ZNF77: variants seen among roughly 807,000 people sequenced by gnomAD.
ZNF77 encodes ZNFpT1.
Under a neutral mutation model 13.5 loss-of-function variants are expected in ZNF77, and 15 were observed. The ratio of observed to expected loss-of-function variants is 1.11; its 90% CI spans 0.74 to 1.71. The LOEUF is 1.71. Among genes scored for constraint, ZNF77 ranks in the 40% most tolerant of loss-of-function variants. The pLI is 0.00. For synonymous variants in ZNF77, 282 were observed against 250.0 expected (o/e 1.13, Z -1.21); for missense variants, 717 against 676.4 (o/e 1.06, Z -0.67).
chr19:2,939,564 G>T, intron 1 of ZNF77, 157 bp from the exon 2 acceptor site: 3 of 982,110 alleles, frequency 3.1e-6, no homozygotes, highest in Non-Finnish European at 3.0e-6. Context: ...TACACTCAAT[G>T]CCGTGAGTAC....
chr19:2,941,796 T>G (rs2088451111), intron 1 of ZNF77, among the ~76,000 whole-genome samples: 1 of 152,204 alleles, frequency 6.6e-6, no homozygotes, highest in South Asian at 2.1e-4. Context: ...GGTCCCCCAC[T>G]GTCACAAACT....
Position 2,934,657 on chromosome 19 carries a change from G to T in ZNF77, c.470C>A (p.Ser157Tyr), listed in dbSNP as rs756646002. The change falls in exon 4 of 4, where the codon TCT (serine) becomes TAT (tyrosine). Residue 157 changes from serine to tyrosine, a missense_variant. Physicochemically the swap from Ser to Tyr is moderately radical, Grantham distance 144 (BLOSUM62 -2). Transcript: ENST00000314531. ...CGKAFENRQRSHTGQRPCKEC... is the reference protein window; with the variant it reads ...CGKAFENRQRYHTGQRPCKEC... ...CTTACACGGTCTCTGTCCAGTGTGA[G>T]ATCTCTGCCGATTCTCGAAGGCTTT... The T allele has an allele frequency of 2.5e-5, 41 of 1,614,014 alleles. No homozygotes were observed. Among genetic ancestry groups the T allele is most frequent in the Non-Finnish European group, 3.4e-5 (40 of 1,180,042 alleles).
chr19:2,935,496 A>ATT (rs58809442), intron 3 of ZNF77, among the ~76,000 whole-genome samples: 4,133 of 138,228 alleles, frequency 0.03, 103 homozygotes, highest in African/African-American at 0.054. Context: ...TCTTTTTCGT[A>ATT]TTTTTTTTTT....
At chr19:2,939,523 G>T in intron 1 of ZNF77, 116 bp from the exon 2 acceptor site, 1 of 1,466,840 alleles carries the variant, frequency 6.8e-7, no homozygotes, top group Non-Finnish European at 9.2e-7. Context: ...ATGTCCTTGT[G>T]AGAGGTGACC....
chr19:2,936,570 A>T lies in ZNF77; in HGVS notation c.265T>A (p.Phe89Ile), dbSNP rs2088399095. 6.2e-7 allele frequency: 1 copy of T among 1,611,280 alleles called. No homozygotes were observed. Among genetic ancestry groups the T allele is most frequent in the Non-Finnish European group, 8.5e-7 (1 of 1,179,308 alleles). The change falls in exon 3 of 4, where the codon TTT (phenylalanine) becomes ATT (isoleucine). Residue 89 changes from phenylalanine (F) to isoleucine (I), a missense_variant. Transcript: ENST00000314531. ...TGGTGCTGATCTCCAGTGTTATCAA[A>T]TCTCCAATTTTCTCCAAAAATAGAC... ...SWSIFGENWR[F>I]DNTGDQHQIP...
Position 2,934,203 on chromosome 19 carries a change from G to C in ZNF77, c.924C>G (p.Tyr308Ter), listed in dbSNP as rs2088373250. The change falls in exon 4 of 4, where the codon TAC becomes TAG. Residue 308 changes from tyrosine (Y) to a stop codon, truncating the protein, a stop_gained. Coordinates refer to ENST00000314531, the MANE Select transcript of ZNF77 (RefSeq NM_021217.3). LOFTEE classifies it low-confidence loss of function (END_TRUNC). ...CKHCGKSFSCYSSFRDHVRTH... is the reference protein window; with the variant it reads ...CKHCGKSFSC ...TCCTCACGTGATCTCTAAAGGAGGA[G>C]TAACAGCTGAATGATTTTCCACAAT... 1.2e-6 allele frequency: 2 copies of C among 1,614,186 alleles called. No individual in the cohort carries two copies. Among genetic ancestry groups the C allele is most frequent in the Admixed American group, 1.7e-5 (1 of 60,018 alleles).
At chr19:2,944,751 T>C in intron 1 of ZNF77, 87 bp downstream of exon 1, 1 of 1,454,658 alleles carries the variant, frequency 6.9e-7, no homozygotes, top group South Asian at 1.3e-5. Context: ...GTCCCTCAGC[T>C]TTCTCCGGCT....
Position 2,933,264 on chromosome 19 carries a change from C to T in ZNF77, c.*225G>A. ...ATTTATTAAATGTTTATATCACAAA[C>T]ATACACTAGAAATTAATACAAAAGG... is the stretch of plus-strand genomic sequence containing the variant. On this transcript the variant is annotated 3_prime_UTR_variant, in exon 4 of 4. Coordinates refer to ENST00000314531, the MANE Select transcript of ZNF77 (RefSeq NM_021217.3). The T allele has an allele frequency of 2.3e-6, 1 of 428,568 alleles. No homozygotes were observed. Among genetic ancestry groups the T allele is most frequent in the Non-Finnish European group, 4.1e-6 (1 of 246,142 alleles). The allele number at this position is 428,568 out of a possible 1,614,324, so 26.5% of individuals were successfully genotyped here. A position where few individuals can be genotyped will look rare whatever the true frequency, so the allele number is the denominator to read the frequency against.
Position 2,935,307 on chromosome 19 carries a change from C to A in ZNF77, c.312-492G>T, listed in dbSNP as rs1240883405. ...TGCTGGGATTACAGGTGTGAGCCAC[C>A]ACACCCAGCCTTTTTTTTTTTTTTT... is the stretch of plus-strand genomic sequence containing the variant. On this transcript the variant is annotated intron_variant, in intron 3 of 3. Transcript: ENST00000314531. Among the ~76,000 whole-genome samples the A allele has an allele frequency of 4.3e-5, 6 of 140,946 alleles. No homozygotes were observed. The Admixed American group carries it at 4.3e-4, about 10-fold the overall frequency. The allele number at this position is 140,946 out of a possible 152,430, so 92.5% of individuals were successfully genotyped here.
At chr19:2,938,968 A>AC (rs1050774751) in intron 2 of ZNF77, among the ~76,000 whole-genome samples, 1 of 151,864 alleles carries the variant, frequency 6.6e-6, no homozygotes, top group Non-Finnish European at 1.5e-5. Context: ...AAAAATAAAA[A>AC]AAAAAAAAAA....
intron 1 of ZNF77, among the ~76,000 whole-genome samples, chr19:2,940,031 T>G (rs2088435607): frequency 6.6e-6 from 1 of 152,034 alleles, no homozygotes; most frequent in South Asian, 2.1e-4. Context: ...TGACATGACT[T>G]GCTCAAATTT....
rs765359850 is a variant in ZNF77, at chr19:2,939,454, C to G, written c.4-47G>C. ...ACTTCAGCAAAGGCACCGCCTCCCC[C>G]ATGTGCGCAGGAAGAGGGGTGAGGC... On this transcript the variant is annotated intron_variant, in intron 1 of 3. Transcript: ENST00000314531. 7.5e-6 allele frequency: 12 copies of G among 1,604,572 alleles called. No individual in the cohort carries two copies. The East Asian group carries it at 1.8e-4, about 24-fold the overall frequency.
intron 1 of ZNF77, among the ~76,000 whole-genome samples, chr19:2,942,593 C>T (rs1018894044): frequency 3.3e-5 from 5 of 151,894 alleles, no homozygotes; most frequent in African/African-American, 7.3e-5. Flanking sequence ...TGGACACAGA[C>T]GAGGCTGTTC....
intron 1 of ZNF77, 43 bp downstream of exon 1, chr19:2,944,795 C>T: frequency 6.7e-7 from 1 of 1,499,916 alleles, no homozygotes; most frequent in Non-Finnish European, 8.9e-7. Flanking sequence ...CCTGCCGCCC[C>T]ACCTCGCCCT....
rs1599623750 is a variant in ZNF77 at position 2,944,931 on chromosome 19, G to A, written c.-91C>T. 3 of 1,445,398 alleles carry A rather than the reference G, an allele frequency of 2.1e-6. No homozygotes were observed. The highest frequency in any genetic ancestry group is 2.7e-6 in the Non-Finnish European group (3 of 1,098,104). 89.5% of individuals were successfully genotyped at this position (1,445,398 alleles called of 1,614,324 possible). A position where few individuals can be genotyped will look rare whatever the true frequency, so the allele number is the denominator to read the frequency against. On this transcript the variant is annotated 5_prime_UTR_variant, in exon 1 of 4. Transcript: ENST00000314531. ...ACGACAGGACACCTGAGCCGCTCGG[G>A]GTAGGCGGGGAAGCGCGCAAGGCAG...
At chr19:2,938,728 G>A (rs1259348352) in intron 2 of ZNF77, among the ~76,000 whole-genome samples, 14 of 152,254 alleles carry the variant, frequency 9.2e-5, no homozygotes, top group Admixed American at 2.6e-4. Flanking sequence ...AGGCCAAGGC[G>A]GGCGGATCAC....
intron 1 of ZNF77, among the ~76,000 whole-genome samples, chr19:2,944,248 C>A (rs1465189172): frequency 6.8e-6 from 1 of 147,344 alleles, no homozygotes; most frequent in Admixed American, 6.8e-5. Flanking sequence ...GCCCCTGAGC[C>A]CCTGACTGCT....
chr19:2,939,573 AC>A, intron 1 of ZNF77, 166 bp from the exon 2 acceptor site: 1 of 888,496 alleles, frequency 1.1e-6, no homozygotes, highest in Non-Finnish European at 1.7e-6. Flanking sequence ...TGCCGTGAGT[AC>A]CTTCCCAACA....
intron 3 of ZNF77, 29 bp downstream of exon 3, chr19:2,936,495 G>T (rs750422333): frequency 6.4e-7 from 1 of 1,561,586 alleles, no homozygotes. Context: ...CTGCGGAGAG[G>T]CCCATCCCTC....
Sources: allele counts gnomAD v4.1 joint callset (sites outside exome capture counted in the v4.1 genomes callset), GRCh38; gene constraint gnomAD v4.1.1; transcripts MANE v1.5; gene names NCBI Gene and HGNC (gene_info 2026-07-23, HGNC 2026-07-21).